The following MECOM variants were observed in gnomAD, a reference collection of about 807,000 sequenced individuals.
MECOM encodes the protein histone-lysine N-methyltransferase MECOM.
In MECOM, 13 loss-of-function variants were observed where a neutral mutation model predicts 116.3. The observed-to-expected ratio is 0.11, with a 90% confidence interval of 0.07 to 0.18. The LOEUF is 0.18. MECOM is among the 10% of genes least tolerant of loss of function. MECOM has a pLI of 1.00. For synonymous variants in MECOM, 528 were observed against 535.2 expected (o/e 0.99, Z 0.19); for missense variants, 1,299 against 1,509.0 (o/e 0.86, Z 2.31).
intron 1 of MECOM, among the ~76,000 whole-genome samples, chr3:169,629,629 G>C (rs1771829910): frequency 6.6e-6 from 1 of 152,188 alleles, no homozygotes; most frequent in Admixed American, 6.5e-5. Flanking sequence ...ACATGTGTAA[G>C]GGAACGTGCA....
intron 2 of MECOM, among the ~76,000 whole-genome samples, chr3:169,350,899 C>A (rs1210223646): frequency 6.6e-6 from 1 of 151,616 alleles, no homozygotes; most frequent in East Asian, 1.9e-4. Context: ...TAAAAATATC[C>A]AGGTCAAAGC....
intron 2 of MECOM, among the ~76,000 whole-genome samples, chr3:169,310,805 C>T (rs1024225568): frequency 2.0e-5 from 3 of 152,212 alleles, no homozygotes; most frequent in African/African-American, 7.2e-5. Context: ...TCCTAACAGA[C>T]ATAGCTGTGT....
intron 2 of MECOM, among the ~76,000 whole-genome samples, chr3:169,376,936 G>A (rs1731142784): frequency 6.6e-6 from 1 of 152,100 alleles, no homozygotes. Context: ...ATACTATAAG[G>A]CTACAGTAAC....
intron 2 of MECOM, among the ~76,000 whole-genome samples, chr3:169,365,429 C>T (rs1209200478): frequency 6.6e-6 from 1 of 152,012 alleles, no homozygotes; most frequent in Non-Finnish European, 1.5e-5. Context: ...GATGCAGGTA[C>T]AGAGACTAGT....
At chr3:169,535,606 C>T (rs576103818) in intron 1 of MECOM, among the ~76,000 whole-genome samples, 1 of 152,208 alleles carries the variant, frequency 6.6e-6, no homozygotes, top group East Asian at 1.9e-4. Context: ...TTTCTCTCTC[C>T]CCTCCTTCAT....
intron 2 of MECOM, among the ~76,000 whole-genome samples, chr3:169,196,782 TAC>T (rs1313745188): frequency 5.9e-5 from 9 of 152,016 alleles, no homozygotes; most frequent in Non-Finnish European, 1.0e-4. Context: ...GAAACAGAAC[TAC>T]CATTTGACCC....
chr3:169,221,983 A>G (rs1752194807), intron 2 of MECOM, among the ~76,000 whole-genome samples: 1 of 152,170 alleles, frequency 6.6e-6, no homozygotes, highest in East Asian at 1.9e-4. Flanking sequence ...CTAGTCTTAC[A>G]TTATAGTTGC....
chr3:169,595,929 T>G, intron 1 of MECOM, among the ~76,000 whole-genome samples: 1 of 100,082 alleles, frequency 1.0e-5, no homozygotes, highest in East Asian at 2.4e-4. Context: ...AATAGAATTC[T>G]TTCATTCATA....
chr3:169,619,243 A>G (rs924500827), intron 1 of MECOM, among the ~76,000 whole-genome samples: 1 of 152,118 alleles, frequency 6.6e-6, no homozygotes, highest in African/African-American at 2.4e-5. Context: ...GTCGGGCTGG[A>G]TATTTAGTGC....
chr3:169,523,962 A>T (rs949287928), intron 1 of MECOM, among the ~76,000 whole-genome samples: 2 of 148,342 alleles, frequency 1.3e-5, no homozygotes, highest in South Asian at 4.2e-4. Flanking sequence ...GTATATATAC[A>T]CACATATATA....
intron 1 of MECOM, among the ~76,000 whole-genome samples, chr3:169,567,296 GT>G (rs1763354737): frequency 6.6e-6 from 1 of 152,182 alleles, no homozygotes; most frequent in Admixed American, 6.5e-5. Flanking sequence ...CCAAACCCTT[GT>G]TTGACAGTAA....
At chr3:169,298,585 T>C (rs1025323741) in intron 2 of MECOM, among the ~76,000 whole-genome samples, 45 of 152,304 alleles carry the variant, frequency 3.0e-4, no homozygotes, top group Admixed American at 2.9e-3. Flanking sequence ...CCTAGGGTAC[T>C]GTAATGATTT....
chr3:169,365,787 A>C (rs1729059864), intron 2 of MECOM, among the ~76,000 whole-genome samples: 1 of 152,010 alleles, frequency 6.6e-6, no homozygotes. Context: ...CTGTGCAAGT[A>C]AATGTGTATG....
At chr3:169,122,516 A>C in intron 6 of MECOM, 64 bp downstream of exon 6, 1 of 1,569,148 alleles carries the variant, frequency 6.4e-7, no homozygotes, top group Non-Finnish European at 8.7e-7. Context: ...TATCGTAGCA[A>C]GTGATGGATT....
chr3:169,463,180 C>G (rs1158705068), intron 1 of MECOM, among the ~76,000 whole-genome samples: 2 of 152,132 alleles, frequency 1.3e-5, no homozygotes, highest in African/African-American at 4.8e-5. Context: ...AATGGACTCC[C>G]TTTCCCAGGC....
At chr3:169,645,153 A>G (rs887198796) in intron 1 of MECOM, among the ~76,000 whole-genome samples, 5 of 152,230 alleles carry the variant, frequency 3.3e-5, no homozygotes, top group African/African-American at 9.6e-5. Flanking sequence ...TTTCATGTAT[A>G]TGGAAGTCTG....
At chr3:169,543,916 C>T (rs1760403519) in intron 1 of MECOM, among the ~76,000 whole-genome samples, 1 of 152,132 alleles carries the variant, frequency 6.6e-6, no homozygotes, top group South Asian at 2.1e-4. Context: ...GATGGAGTCT[C>T]ACTCTGTGAC....
intron 2 of MECOM, among the ~76,000 whole-genome samples, chr3:169,208,653 T>C (rs952776744): frequency 2.0e-5 from 3 of 152,054 alleles, no homozygotes; most frequent in East Asian, 3.9e-4. Context: ...GTGAAGGACC[T>C]CTTCAAGGAG....
chr3:169,195,725 T>C (rs1748328857), intron 2 of MECOM, among the ~76,000 whole-genome samples: 1 of 152,020 alleles, frequency 6.6e-6, no homozygotes, highest in South Asian at 2.1e-4. Flanking sequence ...CATTGTAGCC[T>C]GAGGGATGAT....
Sources: allele counts gnomAD v4.1 joint callset (sites outside exome capture counted in the v4.1 genomes callset), GRCh38; gene constraint gnomAD v4.1.1; transcripts MANE v1.5; gene names NCBI Gene and HGNC (gene_info 2026-07-23, HGNC 2026-07-21).